Variants in GPR39 observed in about 807,000 individuals in gnomAD.
The protein encoded by GPR39 is zinc sensing receptor.
In GPR39, 23 loss-of-function variants were observed where a neutral mutation model predicts 18.4. That is an observed-to-expected ratio of 1.25 (90% CI 0.90 to 1.77). GPR39 has a LOEUF of 1.77. GPR39 is among the 40% of genes most tolerant of loss of function. The pLI, the probability that GPR39 is intolerant of heterozygous loss-of-function variation, is 0.00. For synonymous variants in GPR39, 280 were observed against 257.9 expected, an observed-to-expected ratio of 1.09 and a Z score of -0.82; for missense variants, 647 against 602.4, an observed-to-expected ratio of 1.07 and a Z score of -0.78.
chr2:132,592,877 A>G lies in GPR39; in HGVS notation c.857-52224A>G, dbSNP rs140177713. 4.6e-5 allele frequency among the ~76,000 whole-genome samples: 7 copies of G among 152,258 alleles called. No individual in the cohort carries two copies. The South Asian group carries it at 1.2e-3, about 27-fold the overall frequency. ...CTACAGATGAAGGAGTTAGTCCTCT[A>G]TAAGACTATCCTCACTTGAGACAGC... On this transcript the variant is annotated intron_variant, in intron 1 of 1. Coordinates refer to ENST00000329321, the MANE Select transcript of GPR39 (RefSeq NM_001508.3).
chr2:132,501,894 A>G (rs1035603485), intron 1 of GPR39, among the ~76,000 whole-genome samples: 4 of 151,626 alleles, frequency 2.6e-5, no homozygotes, highest in African/African-American at 9.7e-5. Context: ...AAGGATCACT[A>G]CTCCTGCTCA....
chr2:132,598,479 G>GTTGT (rs1680986317), intron 1 of GPR39, among the ~76,000 whole-genome samples: 1 of 90,200 alleles, frequency 1.1e-5, no homozygotes, highest in South Asian at 3.7e-4. Context: ...TGTTGTTGTT[G>GTTGT]TTGTTTAAGG....
intron 1 of GPR39, among the ~76,000 whole-genome samples, chr2:132,530,565 G>A (rs757294847): frequency 1.1e-4 from 16 of 152,162 alleles, no homozygotes; most frequent in Non-Finnish European, 1.9e-4. Context: ...AGTCACCAAA[G>A]TTGAAATGAA....
intron 1 of GPR39, among the ~76,000 whole-genome samples, chr2:132,592,313 GAAGT>G (rs1680860900): frequency 6.6e-6 from 1 of 152,194 alleles, no homozygotes; most frequent in Non-Finnish European, 1.5e-5. Flanking sequence ...AGGAGGTGAG[GAAGT>G]AAGCCCTGAG....
chr2:132,515,035 C>T (rs1024270287), intron 1 of GPR39, among the ~76,000 whole-genome samples: 1 of 152,172 alleles, frequency 6.6e-6, no homozygotes, highest in Non-Finnish European at 1.5e-5. Context: ...CAAAACAAAC[C>T]TCAAGTTCCC....
intron 1 of GPR39, among the ~76,000 whole-genome samples, chr2:132,526,805 T>C (rs1456240031): frequency 1.3e-5 from 2 of 152,236 alleles, no homozygotes; most frequent in Non-Finnish European, 2.9e-5. Flanking sequence ...CTAGGTTTTA[T>C]ATTTCTAGAT....
At chr2:132,601,343 G>A (rs928504104) in intron 1 of GPR39, among the ~76,000 whole-genome samples, 8 of 152,038 alleles carry the variant, frequency 5.3e-5, no homozygotes. Flanking sequence ...ACAACATCAA[G>A]AGAATGAAGG....
chr2:132,428,553 A>G (rs1680170603), intron 1 of GPR39, among the ~76,000 whole-genome samples: 1 of 152,246 alleles, frequency 6.6e-6, no homozygotes, highest in Admixed American at 6.5e-5. Context: ...AGTATGGTCC[A>G]GGGACCCGCA....
chr2:132,553,349 A>ATG (rs2104797108), intron 1 of GPR39, among the ~76,000 whole-genome samples: 1 of 148,304 alleles, frequency 6.7e-6, no homozygotes, highest in East Asian at 2.2e-4. Flanking sequence ...GTATATGTGT[A>ATG]TATATATATG....
intron 1 of GPR39, among the ~76,000 whole-genome samples, chr2:132,602,032 G>GA (rs34155252): frequency 3.9e-4 from 58 of 146,902 alleles, no homozygotes; most frequent in East Asian, 7.9e-4. Context: ...CACAGAAATA[G>GA]AAAAAAAAAA....
chr2:132,416,912 G>T lies in GPR39; in HGVS notation c.-131G>T. ...ACCTGAAATACTAAGTTACCTTCGC[G>T]AGGAGAACTCGAGTGAGATAAAATC... On this transcript the variant is annotated 5_prime_UTR_variant, in exon 1 of 2. It introduces an in-frame stop codon into an upstream open reading frame of the 5' UTR. Coordinates refer to ENST00000329321, the MANE Select transcript of GPR39 (RefSeq NM_001508.3). The T allele has an allele frequency of 8.4e-7, 1 of 1,192,146 alleles. No homozygotes were observed. The allele number at this position is 1,192,146 out of a possible 1,614,324, so 73.8% of individuals were successfully genotyped here.
chr2:132,555,939 G>C (rs1413125094), intron 1 of GPR39, among the ~76,000 whole-genome samples: 1 of 152,128 alleles, frequency 6.6e-6, no homozygotes, highest in Non-Finnish European at 1.5e-5. Context: ...TACCTGGAGG[G>C]CTTATGGAAA....
intron 1 of GPR39, among the ~76,000 whole-genome samples, chr2:132,564,422 A>T (rs1680309913): frequency 6.6e-6 from 1 of 152,152 alleles, no homozygotes; most frequent in South Asian, 2.1e-4. Flanking sequence ...GTCATTTCTT[A>T]TGGCATTTCC....
In GPR39 at chr2:132,645,326, GC is replaced by G. The variant is rs1246494023; in HGVS notation, c.1084del (p.Arg362AlafsTer49). On this transcript the variant is annotated frameshift_variant, in exon 2 of 2. Coordinates refer to ENST00000329321, the MANE Select transcript of GPR39 (RefSeq NM_001508.3). LOFTEE classifies it low-confidence loss of function (END_TRUNC). Reference sequence around the variant, plus strand: ...CGGGTGTTCGTGCAGGTGCTGTGCTGCCGCCTGTCGCTGCAGCACGCCAACC... The same window carrying G: ...CGGGTGTTCGTGCAGGTGCTGTGCTGCGCCTGTCGCTGCAGCACGCCAACC... The part of the protein sequence containing the change: ...FRRVFVQVLC[C>X]RLSLQHANHE... The G allele has an allele frequency of 6.2e-7, 1 of 1,614,152 alleles. No individual in the cohort carries two copies. The highest frequency in any genetic ancestry group is 1.7e-5 in the Admixed American group (1 of 60,024).
At chr2:132,558,240 G>A (rs544961031) in intron 1 of GPR39, among the ~76,000 whole-genome samples, 6 of 152,064 alleles carry the variant, frequency 3.9e-5, no homozygotes, top group Non-Finnish European at 8.8e-5. Context: ...TCAGTTACTT[G>A]GTCTGTAAAA....
chr2:132,542,340 C>T (rs1454119780), intron 1 of GPR39, among the ~76,000 whole-genome samples: 1 of 152,138 alleles, frequency 6.6e-6, no homozygotes, highest in Admixed American at 6.5e-5. Flanking sequence ...GTCAGATGGC[C>T]ATTGGCAAGC....
intron 1 of GPR39, among the ~76,000 whole-genome samples, chr2:132,586,323 G>T (rs1368689996): frequency 6.6e-6 from 1 of 152,094 alleles, no homozygotes; most frequent in African/African-American, 2.4e-5. Context: ...TCAGCCCTGC[G>T]CCTTGCATTG....
chr2:132,582,375 A>T (rs2104823998), intron 1 of GPR39, among the ~76,000 whole-genome samples: 1 of 152,338 alleles, frequency 6.6e-6, no homozygotes, highest in Admixed American at 6.5e-5. Context: ...GGATAATGTA[A>T]TTCTTAAGTG....
chr2:132,581,985 G>C (rs995216556), intron 1 of GPR39, among the ~76,000 whole-genome samples: 1 of 152,298 alleles, frequency 6.6e-6, no homozygotes, highest in South Asian at 2.1e-4. Flanking sequence ...CAGATGGCCC[G>C]GTGGTTGGGA....
Sources: allele counts gnomAD v4.1 joint callset (sites outside exome capture counted in the v4.1 genomes callset), GRCh38; gene constraint gnomAD v4.1.1; transcripts MANE v1.5; gene names NCBI Gene and HGNC (gene_info 2026-07-23, HGNC 2026-07-21).